SORBS2: variants seen among roughly 807,000 people sequenced by gnomAD.
SORBS2 encodes sorbin and SH3 domain-containing protein 2.
Under a neutral mutation model 97.7 loss-of-function variants are expected in SORBS2, and 46 were observed. That is an observed-to-expected ratio of 0.47 (90% CI 0.37 to 0.60). SORBS2 has a LOEUF of 0.60. Ranked by LOEUF, SORBS2 falls within the 20% of genes least tolerant of loss-of-function variation. The probability of loss-of-function intolerance (pLI) is 0.00; values close to 1 mark genes in which losing one functional copy is unlikely to be tolerated. For synonymous variants in SORBS2, 476 were observed against 473.4 expected (o/e 1.01, Z -0.07); for missense variants, 1,316 against 1,282.3 (o/e 1.03, Z -0.40).
At position 185,704,224 on chromosome 4, in the gene SORBS2, A is replaced by G. The variant is rs73873310; in HGVS notation, c.-197-25402T>C. ...ATATTTATTTCCCATTTCATGTTGG[A>G]GTCAGGATATTCGCTTCTCCCCAAA... is the stretch of plus-strand genomic sequence containing the variant. On this transcript the variant is annotated intron_variant, in intron 2 of 20. Coordinates refer to the SORBS2 transcript ENST00000284776. Among the ~76,000 whole-genome samples the G allele has an allele frequency of 7.5e-3, 1,141 of 152,308 alleles. 13 individuals carry two copies. The highest frequency in any genetic ancestry group is 0.026 in the African/African-American group (1,088 of 41,568).
chr4:185,813,820 G>T (rs2099191134), intron 1 of SORBS2, among the ~76,000 whole-genome samples: 1 of 152,120 alleles, frequency 6.6e-6, no homozygotes, highest in African/African-American at 2.4e-5. Flanking sequence ...CTGTACCGGG[G>T]TCCACCTCTG....
chr4:185,795,073 T>G (rs745902183), intron 1 of SORBS2, among the ~76,000 whole-genome samples: 1 of 152,138 alleles, frequency 6.6e-6, no homozygotes, highest in Non-Finnish European at 1.5e-5. Context: ...GCTTGCAAAC[T>G]GAGCATGTGC....
chr4:185,845,617 C>T (rs2099214124), intron 1 of SORBS2, among the ~76,000 whole-genome samples: 1 of 151,986 alleles, frequency 6.6e-6, no homozygotes, highest in Non-Finnish European at 1.5e-5. Flanking sequence ...AGGGAAACCA[C>T]AGAAAGGGAG....
chr4:185,766,670 C>T (rs2098935882), intron 2 of SORBS2, among the ~76,000 whole-genome samples: 1 of 152,056 alleles, frequency 6.6e-6, no homozygotes, highest in Non-Finnish European at 1.5e-5. Flanking sequence ...TCCTGGATAC[C>T]ACCTGGAGCT....
At chr4:185,652,112 A>G (rs1323173783) in intron 2 of SORBS2, among the ~76,000 whole-genome samples, 1 of 152,166 alleles carries the variant, frequency 6.6e-6, no homozygotes, top group Non-Finnish European at 1.5e-5. Flanking sequence ...AGCTGGGATT[A>G]CAGGTGTGTG....
chr4:185,927,049 T>C (rs1406470374), intron 1 of SORBS2, among the ~76,000 whole-genome samples: 1 of 151,128 alleles, frequency 6.6e-6, no homozygotes, highest in Non-Finnish European at 1.5e-5. Flanking sequence ...TTATATGTGA[T>C]ATATATGAAA....
chr4:185,925,737 T>G (rs1382624396), intron 1 of SORBS2, among the ~76,000 whole-genome samples: 1 of 152,112 alleles, frequency 6.6e-6, no homozygotes, highest in Non-Finnish European at 1.5e-5. Flanking sequence ...GCACACAAGA[T>G]TACCTCCTCT....
intron 2 of SORBS2, among the ~76,000 whole-genome samples, chr4:185,727,569 A>C (rs2098566267): frequency 6.6e-6 from 1 of 152,220 alleles, no homozygotes; most frequent in African/African-American, 2.4e-5. Flanking sequence ...TTACATTAAA[A>C]AAGAAAAGCC....
At chr4:185,621,445 G>A (rs1443915163) in intron 7 of SORBS2, among the ~76,000 whole-genome samples, 1 of 152,126 alleles carries the variant, frequency 6.6e-6, no homozygotes, top group Non-Finnish European at 1.5e-5. Context: ...ACTCCTATCT[G>A]CACATAAAAT....
chr4:185,852,151 G>A (rs147417387), intron 1 of SORBS2, among the ~76,000 whole-genome samples: 171 of 152,270 alleles, frequency 1.1e-3, no homozygotes, highest in Non-Finnish European at 2.0e-3. Context: ...ACAGCTACAG[G>A]CAGCCGATCC....
intron 2 of SORBS2, among the ~76,000 whole-genome samples, chr4:185,682,815 A>C (rs906465999): frequency 3.3e-4 from 50 of 152,216 alleles, no homozygotes; most frequent in Non-Finnish European, 6.0e-4. Flanking sequence ...GTTTGAGACC[A>C]GCCTGGCCAA....
At chr4:185,913,895 TC>T (rs1049694031) in intron 1 of SORBS2, among the ~76,000 whole-genome samples, 7 of 152,290 alleles carry the variant, frequency 4.6e-5, no homozygotes, top group African/African-American at 1.7e-4. Flanking sequence ...CTTTATAACA[TC>T]CCCATGTGGG....
chr4:185,618,345 T>C (rs2096659787), intron 9 of SORBS2, among the ~76,000 whole-genome samples: 1 of 152,252 alleles, frequency 6.6e-6, no homozygotes, highest in Admixed American at 6.5e-5. Flanking sequence ...TTTTTGTTTT[T>C]CCTATCCTTT....
intron 2 of SORBS2, among the ~76,000 whole-genome samples, chr4:185,693,430 C>T (rs1014065836): frequency 1.3e-5 from 2 of 152,014 alleles, no homozygotes; most frequent in African/African-American, 4.8e-5. Context: ...CTCGGTAGCT[C>T]TTGGTAGCAA....
At chr4:185,618,512 A>G in intron 9 of SORBS2, 73 bp downstream of exon 21, 1 of 794,542 alleles carries the variant, frequency 1.3e-6, no homozygotes, top group Non-Finnish European at 2.0e-6. Context: ...TCCTACTGCA[A>G]TGCTTATCTC....
In SORBS2 at chr4:185,737,951, G is replaced by C. The variant is rs568035059; in HGVS notation, c.-198+37276C>G. On this transcript the variant is annotated intron_variant, in intron 2 of 20. Coordinates refer to the SORBS2 transcript ENST00000284776. ...CGCTCCCCAGTGTGGGCCACGCTCA[G>C]GTGTCCCTTCACAATGGCAGCCACA... Among the ~76,000 whole-genome samples, 5 of 152,336 alleles carry C rather than the reference G, an allele frequency of 3.3e-5. No individual in the cohort carries two copies. The East Asian group carries it at 9.7e-4, about 29-fold the overall frequency.
Position 185,670,544 on chromosome 4 carries a change from C to T in SORBS2, c.-46+7879G>A, listed in dbSNP as rs141745282. ...TTAAATGTCAAGCAAAGAAATCTGA[C>T]AGGCTTTTGTTCTCTTTTTTCCAAT... On this transcript the variant is annotated intron_variant, in intron 4 of 20. Transcript: ENST00000284776. Among the ~76,000 whole-genome samples, 1,061 of 151,642 alleles carry T rather than the reference C, an allele frequency of 7.0e-3. 10 individuals are homozygous for T. Among genetic ancestry groups the T allele is most frequent in the African/African-American group, 0.024 (1,011 of 41,374 alleles).
At chr4:185,663,101 T>C (rs1021217) in intron 4 of SORBS2, among the ~76,000 whole-genome samples, 17,275 of 152,220 alleles carry the variant, frequency 0.11, 1,104 homozygotes, top group East Asian at 0.26. Context: ...CTATTAAGCA[T>C]GCCTGTCTAC....
chr4:185,883,621 T>C (rs992845753), intron 1 of SORBS2, among the ~76,000 whole-genome samples: 8 of 152,234 alleles, frequency 5.3e-5, no homozygotes, highest in Admixed American at 3.9e-4. Context: ...GTCCTTTGAC[T>C]GGTGAATACA....
Sources: gnomAD v4.1 joint callset for allele counts (sites outside exome capture counted in the v4.1 genomes callset) on GRCh38, gnomAD v4.1.1 for gene constraint, MANE v1.5 for transcripts, NCBI Gene and HGNC (gene_info 2026-07-23, HGNC 2026-07-21) for gene names.